Variants in EDN3 observed in about 807,000 individuals in gnomAD.
EDN3 encodes endothelin 3.
In EDN3, 9 loss-of-function variants were observed where a neutral mutation model predicts 21.4. That is an observed-to-expected ratio of 0.42 (90% CI 0.25 to 0.73). The LOEUF is 0.73. Ranked by LOEUF, EDN3 falls within the 30% of genes least tolerant of loss-of-function variation. The pLI is 0.26. For missense variants in EDN3, 327 were observed against 309.4 expected (o/e 1.06, Z -0.43); for synonymous variants, 133 against 126.2 (o/e 1.05, Z -0.36).
At chr20:59,304,612 T>C (rs1298433737) in intron 2 of EDN3, among the ~76,000 whole-genome samples, 1 of 152,206 alleles carries the variant, frequency 6.6e-6, no homozygotes, top group Non-Finnish European at 1.5e-5. Flanking sequence ...TGGAAATTGC[T>C]CTGAGTACGG....
rs11570278 is a variant in EDN3 at position 59,305,708 on chromosome 20, C to T, written c.365+3986C>T. ...TGCATGCCACCAGGCTGAAAATTCC[C>T]GAGGGAGTTGATGTCAAGGAGGTCT... On this transcript the variant is annotated intron_variant, in intron 2 of 4. Coordinates refer to ENST00000337938, the MANE Select transcript of EDN3 (RefSeq NM_207034.3). This position sits in a 1 kb window ranked among gnomAD's most constrained non-coding sequence, Gnocchi z 4.2. Among the ~76,000 whole-genome samples the T allele has an allele frequency of 0.017, 2,661 of 152,224 alleles. 42 individuals are homozygous for T. Among genetic ancestry groups the T allele is most frequent in the Middle Eastern group, 0.068 (20 of 294 alleles).
chr20:59,301,847 T>G, intron 2 of EDN3, 125 bp downstream of exon 2: 1 of 1,149,828 alleles, frequency 8.7e-7, no homozygotes, highest in South Asian at 1.3e-5. Flanking sequence ...TGGCACAGCC[T>G]TTAGCTCTTG....
chr20:59,312,603 G>A (rs1989905121), intron 2 of EDN3, among the ~76,000 whole-genome samples: 1 of 152,224 alleles, frequency 6.6e-6, no homozygotes, highest in Admixed American at 6.5e-5. Flanking sequence ...CCATGGAAGA[G>A]TGTAAACAGT....
intron 2 of EDN3, among the ~76,000 whole-genome samples, chr20:59,310,361 G>C (rs1389689757): frequency 1.3e-5 from 2 of 152,206 alleles, no homozygotes; most frequent in Non-Finnish European, 2.9e-5. Context: ...CTTTGGAATA[G>C]AAATTAATTG....
chr20:59,302,810 G>C (rs11905910), intron 2 of EDN3, among the ~76,000 whole-genome samples: 1 of 152,154 alleles, frequency 6.6e-6, no homozygotes, highest in Non-Finnish European at 1.5e-5. Context: ...TCTTGATTCA[G>C]GTTCCTCACG....
At position 59,324,596 on chromosome 20, in the gene EDN3, A is replaced by AT; in HGVS notation, c.*138dup. 1 of 1,155,384 alleles carries AT rather than the reference A, an allele frequency of 8.7e-7. No individual in the cohort carries two copies. Among genetic ancestry groups the AT allele is most frequent in the Non-Finnish European group, 1.2e-6 (1 of 815,938 alleles). 71.6% of individuals were successfully genotyped at this position (1,155,384 alleles called of 1,614,324 possible). On this transcript the variant is annotated 3_prime_UTR_variant, in exon 5 of 5. Transcript: ENST00000337938. ...CCACCCAAAGAGTCCCCACTTAACA[A>AT]TACCCCCCCCCCACGGCAAGAATGC...
In EDN3 at chr20:59,325,977, C is replaced by T. The variant is rs6026812; in HGVS notation, c.*1518C>T. On this transcript the variant is annotated 3_prime_UTR_variant, in exon 5 of 5. Coordinates refer to ENST00000337938, the MANE Select transcript of EDN3 (RefSeq NM_207034.3). ...TACTGTCAAAAGCCTAATAAAAAAC[C>T]TAAAGTTTGCTCTGATTTGTGGGTT... is the stretch of plus-strand genomic sequence containing the variant. The T allele has an allele frequency of 8.5e-5, 13 of 152,136 alleles. No homozygotes were observed. The highest frequency in any genetic ancestry group is 1.5e-4 in the Non-Finnish European group (10 of 68,018). The allele number at this position is 152,136 out of a possible 1,614,324, so 9.4% of individuals were successfully genotyped here.
chr20:59,309,186 G>T (rs1383083989), intron 2 of EDN3, among the ~76,000 whole-genome samples: 1 of 152,198 alleles, frequency 6.6e-6, no homozygotes, highest in East Asian at 1.9e-4. Context: ...CTGGGGCTGT[G>T]TCTGTGAAAT....
intron 4 of EDN3, among the ~76,000 whole-genome samples, chr20:59,323,915 C>G (rs144969607): frequency 6.6e-4 from 100 of 152,308 alleles, no homozygotes; most frequent in Non-Finnish European, 1.1e-3. Flanking sequence ...TCTTCCAGGT[C>G]TCTATGAGTC....
At position 59,301,562 on chromosome 20, in the gene EDN3, A is replaced by G. The variant is rs758697348; in HGVS notation, c.205A>G (p.Thr69Ala). The G allele has an allele frequency of 3.1e-6, 5 of 1,613,372 alleles. No individual in the cohort carries two copies. The highest frequency in any genetic ancestry group is 1.1e-5 in the South Asian group (1 of 91,068). Residue 69 changes from threonine to alanine, a missense_variant, in exon 2 of 5, where the codon ACA becomes GCA. By Grantham distance (58) the Thr-to-Ala change is moderately conservative. Coordinates refer to ENST00000337938, the MANE Select transcript of EDN3 (RefSeq NM_207034.3). ...AGPGEGTVAP[T>A]ALQGPSPGSP... ...CCCTGGCGAGGGGACTGTGGCCCCG[A>G]CAGCACTGCAGGGTCCAAGCCCTGG...
chr20:59,302,301 C>T (rs1481062343), intron 2 of EDN3, among the ~76,000 whole-genome samples: 2 of 152,134 alleles, frequency 1.3e-5, no homozygotes, highest in Admixed American at 6.5e-5. Flanking sequence ...CACATCAGCT[C>T]GTCCTTGGGC....
intron 2 of EDN3, among the ~76,000 whole-genome samples, chr20:59,311,224 C>G (rs1989781808): frequency 1.3e-5 from 2 of 152,026 alleles, no homozygotes; most frequent in South Asian, 4.2e-4. Context: ...AGTGATAAAT[C>G]TATTGGAGCT....
intron 2 of EDN3, among the ~76,000 whole-genome samples, chr20:59,308,687 A>G (rs767463791): frequency 4.6e-5 from 7 of 152,260 alleles, no homozygotes; most frequent in African/African-American, 7.2e-5. Context: ...CCTACAATCT[A>G]GTAAACACTC....
chr20:59,324,597 T>C lies in EDN3; in HGVS notation c.*138T>C. ...CACCCAAAGAGTCCCCACTTAACAA[T>C]ACCCCCCCCCCACGGCAAGAATGCC... is the stretch of plus-strand genomic sequence containing the variant. On this transcript the variant is annotated 3_prime_UTR_variant, in exon 5 of 5. Transcript: ENST00000337938. 9.2e-7 allele frequency: 1 copy of C among 1,089,582 alleles called. No individual in the cohort carries two copies. The highest frequency in any genetic ancestry group is 1.4e-5 in the South Asian group (1 of 72,074). 67.5% of individuals were successfully genotyped at this position (1,089,582 alleles called of 1,614,324 possible).
At chr20:59,307,254 A>G (rs1487587973) in intron 2 of EDN3, among the ~76,000 whole-genome samples, 3 of 152,122 alleles carry the variant, frequency 2.0e-5, no homozygotes, top group Non-Finnish European at 4.4e-5. Context: ...GGTTTTGGAA[A>G]GGGGTCATGA....
Position 59,324,995 on chromosome 20 carries a change from G to A in EDN3, c.*536G>A, listed in dbSNP as rs1429071485. ...ATGAATTTGAAGCTTATGGGATTTTGGCAGAGAAATTTTCAGCTGTGCTTG... is the reference window on the plus strand; with the variant it reads ...ATGAATTTGAAGCTTATGGGATTTTAGCAGAGAAATTTTCAGCTGTGCTTG... On this transcript the variant is annotated 3_prime_UTR_variant, in exon 5 of 5. Coordinates refer to ENST00000337938, the MANE Select transcript of EDN3 (RefSeq NM_207034.3). 6.3e-6 allele frequency: 1 copy of A among 159,414 alleles called. No homozygotes were observed. The highest frequency in any genetic ancestry group is 2.4e-5 in the African/African-American group (1 of 41,532). The allele number at this position is 159,414 out of a possible 1,614,324, so 9.9% of individuals were successfully genotyped here. A position where few individuals can be genotyped will look rare whatever the true frequency, so the allele number is the denominator to read the frequency against.
intron 2 of EDN3, among the ~76,000 whole-genome samples, chr20:59,302,701 T>C (rs955858878): frequency 6.6e-6 from 1 of 152,162 alleles, no homozygotes; most frequent in African/African-American, 2.4e-5. Context: ...CTCTTGCTTG[T>C]ACCCTATTAG....
At chr20:59,323,246 G>A (rs1198857896) in intron 4 of EDN3, among the ~76,000 whole-genome samples, 1 of 152,134 alleles carries the variant, frequency 6.6e-6, no homozygotes, top group Non-Finnish European at 1.5e-5. Flanking sequence ...GAGGAGGGCC[G>A]AGGCGGAAGA....
At position 59,322,307 on chromosome 20, in the gene EDN3, G is replaced by T; in HGVS notation, c.543-65G>T. 1.3e-6 allele frequency: 2 copies of T among 1,586,296 alleles called. No homozygotes were observed. Among genetic ancestry groups the T allele is most frequent in the South Asian group, 1.1e-5 (1 of 90,462 alleles). On this transcript the variant is annotated intron_variant, in intron 3 of 4. Coordinates refer to ENST00000337938, the MANE Select transcript of EDN3 (RefSeq NM_207034.3). The surrounding 1 kb of genome is among the most constrained non-coding windows in gnomAD (Gnocchi z 4.1). Reference sequence around the variant, plus strand: ...GGTGGGGAAGAGGAAGTCATAATTTGACACCGAAAAACCAGCCACAGGGAA... The same window carrying T: ...GGTGGGGAAGAGGAAGTCATAATTTTACACCGAAAAACCAGCCACAGGGAA...
Sources: allele counts gnomAD v4.1 joint callset (sites outside exome capture counted in the v4.1 genomes callset), GRCh38; gene constraint gnomAD v4.1.1; non-coding constraint Gnocchi (gnomAD v3.1); transcripts MANE v1.5; gene names NCBI Gene and HGNC (gene_info 2026-07-23, HGNC 2026-07-21).